Variants in IL1RAPL2 observed in about 807,000 individuals in gnomAD.
IL1RAPL2 encodes the protein X-linked interleukin-1 receptor accessory protein-like 2.
A neutral mutation model predicts 44.1 loss-of-function variants in IL1RAPL2; 3 were observed. The observed-to-expected ratio is 0.07, with a 90% CI of 0.03 to 0.18. The LOEUF is 0.18. Ranked by LOEUF, IL1RAPL2 falls within the 10% of genes least tolerant of loss-of-function variation. The pLI, the probability that IL1RAPL2 is intolerant of heterozygous loss-of-function variation, is 1.00. For missense variants in IL1RAPL2, 391 were observed against 496.4 expected, an observed-to-expected ratio of 0.79 and a Z score of 2.02; for synonymous variants, 181 against 178.8, an observed-to-expected ratio of 1.01 and a Z score of -0.10.
At position 104,689,398 on chromosome X, in the gene IL1RAPL2, G is replaced by A. The variant is rs184064530; in HGVS notation, c.82+30403G>A. Among the ~76,000 whole-genome samples the A allele has an allele frequency of 7.2e-5, 8 of 111,622 alleles. No individual in the cohort carries two copies. In the South Asian group the frequency reaches 1.9e-3, roughly 26 times the overall value. ...GGGCTAGTGCAGGTAGAGCCAGCAG[G>A]ATAACAGAACAGTGTACAGCCCAGA... On this transcript the variant is annotated intron_variant, in intron 2 of 10. Transcript: ENST00000372582.
intron 2 of IL1RAPL2, among the ~76,000 whole-genome samples, chrX:105,127,148 A>G (rs186977041): frequency 2.5e-3 from 283 of 111,472 alleles, no homozygotes; most frequent in Non-Finnish European, 4.1e-3. Context: ...AAGGAATTTA[A>G]TTGCTAAATG....
chrX:104,818,867 A>G (rs1351028644), intron 2 of IL1RAPL2, among the ~76,000 whole-genome samples: 2 of 112,234 alleles, frequency 1.8e-5, no homozygotes, highest in African/African-American at 6.5e-5. Context: ...GATCCAGAGT[A>G]CAATAGAGGG....
At chrX:105,213,484 G>A (rs1181469389) in intron 3 of IL1RAPL2, among the ~76,000 whole-genome samples, 4 of 110,578 alleles carry the variant, frequency 3.6e-5, no homozygotes, top group Non-Finnish European at 5.7e-5. Flanking sequence ...TATGTGAAAA[G>A]ACCAAACCTA....
chrX:104,810,672 A>G (rs1932969509), intron 2 of IL1RAPL2, among the ~76,000 whole-genome samples: 1 of 111,801 alleles, frequency 8.9e-6, no homozygotes, highest in Admixed American at 9.5e-5. Context: ...TCATGTGTCA[A>G]TGCAGCATAA....
At chrX:105,208,790 T>C (rs2033785403) in intron 3 of IL1RAPL2, among the ~76,000 whole-genome samples, 1 of 111,929 alleles carries the variant, frequency 8.9e-6, no homozygotes, top group Non-Finnish European at 1.9e-5. Flanking sequence ...TCCCTTTACT[T>C]CCTACAAGGA....
intron 2 of IL1RAPL2, among the ~76,000 whole-genome samples, chrX:104,812,801 G>A (rs940772024): frequency 9.0e-6 from 1 of 111,265 alleles, no homozygotes; most frequent in Non-Finnish European, 1.9e-5. Flanking sequence ...GGAGGGTAGT[G>A]TGGTGGTGGG....
At chrX:105,436,413 A>T (rs2035882523) in intron 5 of IL1RAPL2, among the ~76,000 whole-genome samples, 1 of 111,844 alleles carries the variant, frequency 8.9e-6, no homozygotes, top group African/African-American at 3.2e-5. Context: ...ATTAATCCTG[A>T]CAGTTAAAAT....
intron 2 of IL1RAPL2, among the ~76,000 whole-genome samples, chrX:104,788,058 TGTG>T (rs1932807635): frequency 9.0e-6 from 1 of 110,834 alleles, no homozygotes; most frequent in African/African-American, 3.3e-5. Flanking sequence ...AGGGAGAGAG[TGTG>T]GTGGAACACA....
At chrX:105,245,902 T>C (rs965928679) in intron 4 of IL1RAPL2, among the ~76,000 whole-genome samples, 4 of 112,395 alleles carry the variant, frequency 3.6e-5, no homozygotes, top group African/African-American at 1.3e-4. Context: ...CTATCTCAAT[T>C]TTAGATGTTT....
At chrX:105,319,141 G>A (rs953886236) in intron 5 of IL1RAPL2, among the ~76,000 whole-genome samples, 2 of 111,970 alleles carry the variant, frequency 1.8e-5, no homozygotes, top group East Asian at 5.6e-4. Context: ...GGAGCTTTGA[G>A]ATGAGCTTTT....
intron 6 of IL1RAPL2, among the ~76,000 whole-genome samples, chrX:105,560,546 G>A (rs908422618): frequency 1.2e-4 from 13 of 110,961 alleles, no homozygotes; most frequent in Non-Finnish European, 2.1e-4. Flanking sequence ...AGACTCCTGA[G>A]TAGCTGGGAT....
At chrX:104,891,741 C>G (rs912853720) in intron 2 of IL1RAPL2, among the ~76,000 whole-genome samples, 1 of 111,753 alleles carries the variant, frequency 8.9e-6, no homozygotes, top group African/African-American at 3.2e-5. Context: ...CATCTGCAAA[C>G]AAGAACAACT....
chrX:104,946,731 C>G (rs1330471653), intron 2 of IL1RAPL2, among the ~76,000 whole-genome samples: 4 of 101,305 alleles, frequency 3.9e-5, no homozygotes, highest in African/African-American at 1.4e-4. Context: ...CATGTCCCTA[C>G]AAAGGACATG....
At chrX:104,590,185 C>T (rs1355193515) in intron 1 of IL1RAPL2, among the ~76,000 whole-genome samples, 1 of 111,047 alleles carries the variant, frequency 9.0e-6, no homozygotes, top group African/African-American at 3.3e-5. Context: ...GTTGGGATTA[C>T]AGGCGTGCGC....
intron 5 of IL1RAPL2, among the ~76,000 whole-genome samples, chrX:105,397,693 T>A (rs1422526475): frequency 9.0e-6 from 1 of 110,878 alleles, no homozygotes; most frequent in East Asian, 2.9e-4. Flanking sequence ...GTAGGAGGTA[T>A]TTGCTTTAAA....
intron 2 of IL1RAPL2, among the ~76,000 whole-genome samples, chrX:104,660,647 A>G (rs1052808719): frequency 1.3e-4 from 14 of 106,466 alleles, no homozygotes; most frequent in Admixed American, 1.2e-3. Flanking sequence ...ACACATACAC[A>G]TATAGCTGGG....
chrX:104,836,037 A>G (rs1337533840), intron 2 of IL1RAPL2, among the ~76,000 whole-genome samples: 1 of 112,124 alleles, frequency 8.9e-6, no homozygotes, highest in Non-Finnish European at 1.9e-5. Context: ...ACATCAAGAA[A>G]CAACCACATT....
chrX:105,298,062 C>CAT (rs1300139369), intron 5 of IL1RAPL2, among the ~76,000 whole-genome samples: 1 of 110,837 alleles, frequency 9.0e-6, no homozygotes, highest in Non-Finnish European at 1.9e-5. Flanking sequence ...CACACACACA[C>CAT]ATACATTGTG....
chrX:105,753,037 G>C, intron 9 of IL1RAPL2: 1 of 329,249 alleles, frequency 3.0e-6, no homozygotes, highest in Non-Finnish European at 5.9e-6. Context: ...GGACATGCAT[G>C]CTCTTTGTCA....
Sources: gnomAD v4.1 joint callset for allele counts (sites outside exome capture counted in the v4.1 genomes callset) on GRCh38, gnomAD v4.1.1 for gene constraint, MANE v1.5 for transcripts, NCBI Gene and HGNC (gene_info 2026-07-23, HGNC 2026-07-21) for gene names.